Variants in CCDC85A observed in about 807,000 individuals in gnomAD.
CCDC85A encodes coiled-coil domain-containing protein 85A.
In CCDC85A, 38 loss-of-function variants were observed where a neutral mutation model predicts 50.2. The ratio of observed to expected loss-of-function variants is 0.76; its 90% CI spans 0.58 to 0.99. The LOEUF (loss-of-function observed/expected upper bound fraction) is 0.99, where lower values mean the gene tolerates loss of function less well. Ranked by LOEUF, CCDC85A falls within the 50% of genes least tolerant of loss-of-function variation. CCDC85A has a pLI of 0.00. For missense variants in CCDC85A, 820 were observed against 742.0 expected, an observed-to-expected ratio of 1.11 and a Z score of -1.22; for synonymous variants, 366 against 301.4, an observed-to-expected ratio of 1.21 and a Z score of -2.22.
In CCDC85A at chr2:56,189,711, G is replaced by T. The variant is rs147982234; in HGVS notation, c.277-2766G>T. On this transcript the variant is annotated intron_variant, in intron 1 of 5. Coordinates refer to ENST00000407595, the MANE Select transcript of CCDC85A (RefSeq NM_001080433.2). ...CTTCCAGGTACTGAGCATAGTATCC[G>T]ATAGTTTTTTAACCCTTACCTCCCT... Among the ~76,000 whole-genome samples, 66 of 152,278 alleles carry T rather than the reference G, an allele frequency of 4.3e-4. No individual in the cohort carries two copies. The East Asian group carries it at 9.4e-3, about 22-fold the overall frequency.
Position 56,383,741 on chromosome 2 carries a change from C to G in CCDC85A, c.1573-525C>G, listed in dbSNP as rs188627386. 1.1e-5 allele frequency: 11 copies of G among 985,066 alleles called. No individual in the cohort carries two copies. In the East Asian group the frequency reaches 1.1e-3, roughly 102 times the overall value. The allele number at this position is 985,066 out of a possible 1,614,324, so 61.0% of individuals were successfully genotyped here. A position where few individuals can be genotyped will look rare whatever the true frequency, so the allele number is the denominator to read the frequency against. ...CTACCACCTCAGGACTTAAATAGCT[C>G]AATAACAAAAGCTCCTTCATTTTCC... On this transcript the variant is annotated intron_variant, in intron 5 of 5. Coordinates refer to ENST00000407595, the MANE Select transcript of CCDC85A (RefSeq NM_001080433.2).
At chr2:56,283,801 A>G (rs561601342) in intron 2 of CCDC85A, among the ~76,000 whole-genome samples, 1 of 152,126 alleles carries the variant, frequency 6.6e-6, no homozygotes, top group East Asian at 1.9e-4. Context: ...TAGTTTGTCA[A>G]TTTCACTGAT....
chr2:56,287,624 C>A (rs1166094887), intron 2 of CCDC85A, among the ~76,000 whole-genome samples: 1 of 151,956 alleles, frequency 6.6e-6, no homozygotes, highest in African/African-American at 2.4e-5. Context: ...ATGGTTGATT[C>A]TGTGTCATTT....
chr2:56,337,324 C>T (rs1158038586), intron 2 of CCDC85A, among the ~76,000 whole-genome samples: 1 of 152,154 alleles, frequency 6.6e-6, no homozygotes, highest in East Asian at 1.9e-4. Context: ...TTTGCTTCAC[C>T]TTACTTTTCT....
At chr2:56,224,030 T>G (rs762886087) in intron 2 of CCDC85A, among the ~76,000 whole-genome samples, 20 of 152,188 alleles carry the variant, frequency 1.3e-4, no homozygotes, top group Admixed American at 1.3e-3. Context: ...TATTCAGAGT[T>G]GTACAACTAT....
chr2:56,364,142 T>C (rs1369145288), intron 3 of CCDC85A, among the ~76,000 whole-genome samples: 1 of 152,164 alleles, frequency 6.6e-6, no homozygotes, highest in Non-Finnish European at 1.5e-5. Flanking sequence ...AACAGCCTCT[T>C]TTTCTTTTTT....
intron 3 of CCDC85A, among the ~76,000 whole-genome samples, chr2:56,362,257 A>G (rs1164725291): frequency 6.6e-6 from 1 of 152,048 alleles, no homozygotes; most frequent in African/African-American, 2.4e-5. Context: ...GATAGGCAAG[A>G]CTGTGAGGAA....
At chr2:56,245,323 C>T (rs1308218606) in intron 2 of CCDC85A, among the ~76,000 whole-genome samples, 3 of 152,206 alleles carry the variant, frequency 2.0e-5, no homozygotes, top group Admixed American at 6.5e-5. Context: ...GAATTCTGCC[C>T]AGTGTTGGCA....
At chr2:56,311,881 T>A (rs556282090) in intron 2 of CCDC85A, among the ~76,000 whole-genome samples, 3 of 152,098 alleles carry the variant, frequency 2.0e-5, no homozygotes, top group African/African-American at 7.2e-5. Context: ...GCAGCAGGAG[T>A]TACATCCCAG....
At chr2:56,238,468 C>T (rs1021126369) in intron 2 of CCDC85A, among the ~76,000 whole-genome samples, 1 of 147,508 alleles carries the variant, frequency 6.8e-6, no homozygotes, top group Admixed American at 6.7e-5. Context: ...AATTAAAAAA[C>T]AACATATTTA....
chr2:56,355,976 A>C (rs1280237531), intron 3 of CCDC85A, among the ~76,000 whole-genome samples: 1 of 152,248 alleles, frequency 6.6e-6, no homozygotes, highest in Non-Finnish European at 1.5e-5. Context: ...TTAATAGCCA[A>C]GCTCTATCAA....
intron 2 of CCDC85A, among the ~76,000 whole-genome samples, chr2:56,241,833 G>T (rs1279591993): frequency 6.6e-6 from 1 of 151,948 alleles, no homozygotes; most frequent in Non-Finnish European, 1.5e-5. Flanking sequence ...CCTTTTTTTG[G>T]GTATATGCCT....
chr2:56,254,617 T>C (rs986342235), intron 2 of CCDC85A, among the ~76,000 whole-genome samples: 1 of 151,306 alleles, frequency 6.6e-6, no homozygotes, highest in Admixed American at 6.6e-5. Context: ...ACGCATGGTG[T>C]CCCTGATCTC....
intron 5 of CCDC85A, among the ~76,000 whole-genome samples, chr2:56,379,326 T>C (rs1038262354): frequency 6.6e-6 from 1 of 152,202 alleles, no homozygotes; most frequent in Non-Finnish European, 1.5e-5. Flanking sequence ...TCATCTTTTT[T>C]AGTCATCTTT....
At chr2:56,377,672 A>G (rs576602512) in intron 5 of CCDC85A, among the ~76,000 whole-genome samples, 2 of 152,248 alleles carry the variant, frequency 1.3e-5, no homozygotes, top group East Asian at 1.9e-4. Flanking sequence ...GCGGATCATG[A>G]GGTCAGGAGT....
intron 3 of CCDC85A, among the ~76,000 whole-genome samples, chr2:56,350,459 T>G (rs1674862070): frequency 1.3e-5 from 2 of 152,210 alleles, no homozygotes; most frequent in African/African-American, 4.8e-5. Flanking sequence ...TAATCCAGTC[T>G]TCTGTTTTCT....
chr2:56,322,092 G>T (rs535796523), intron 2 of CCDC85A, among the ~76,000 whole-genome samples: 1 of 152,128 alleles, frequency 6.6e-6, no homozygotes, highest in South Asian at 2.1e-4. Context: ...CTAGCCATAC[G>T]TAGAAAGCTG....
rs151292766 is a variant in CCDC85A, at chr2:56,197,567, A to T, written c.1240+4127A>T. Among the ~76,000 whole-genome samples, 332 of 152,322 alleles carry T rather than the reference A, an allele frequency of 2.2e-3. 1 individual carries two copies. Among genetic ancestry groups the T allele is most frequent in the African/African-American group, 7.7e-3 (319 of 41,586 alleles). On this transcript the variant is annotated intron_variant, in intron 2 of 5. Coordinates refer to ENST00000407595, the MANE Select transcript of CCDC85A (RefSeq NM_001080433.2). ...TGGGCACTTTGCAAAAAGAGCTCTC[A>T]GGTGATTCTAATGAGTGGACCAGTT... is the stretch of plus-strand genomic sequence containing the variant.
At chr2:56,212,547 G>A (rs1677222878) in intron 2 of CCDC85A, among the ~76,000 whole-genome samples, 1 of 151,938 alleles carries the variant, frequency 6.6e-6, no homozygotes, top group South Asian at 2.1e-4. Flanking sequence ...ATACATATTT[G>A]GGAGGAAAAC....
Sources: gnomAD v4.1 joint callset for allele counts (sites outside exome capture counted in the v4.1 genomes callset) on GRCh38, gnomAD v4.1.1 for gene constraint, MANE v1.5 for transcripts, NCBI Gene and HGNC (gene_info 2026-07-23, HGNC 2026-07-21) for gene names.